Variants in HELQ observed in about 807,000 individuals in gnomAD.
HELQ encodes the protein helicase POLQ-like.
Under a neutral mutation model 111.6 loss-of-function variants are expected in HELQ, and 77 were observed. The ratio of observed to expected loss-of-function variants is 0.69; its 90% CI spans 0.57 to 0.83. The LOEUF (loss-of-function observed/expected upper bound fraction) is 0.83, where lower values mean the gene tolerates loss of function less well. Ranked by LOEUF, HELQ falls within the 40% of genes least tolerant of loss-of-function variation. The probability of loss-of-function intolerance (pLI) is 0.00; values close to 1 mark genes in which losing one functional copy is unlikely to be tolerated. For missense variants in HELQ, 1,200 were observed against 1,288.5 expected, an observed-to-expected ratio of 0.93 and a Z score of 1.05; for synonymous variants, 438 against 454.7, an observed-to-expected ratio of 0.96 and a Z score of 0.47.
At chr4:83,443,213 T>C (rs1720867292) in intron 6 of HELQ, among the ~76,000 whole-genome samples, 1 of 152,048 alleles carries the variant, frequency 6.6e-6, no homozygotes, top group Non-Finnish European at 1.5e-5. Context: ...AATAAAAAAA[T>C]TTAGTTTACA....
At chr4:83,446,700 C>A (rs745430374) in intron 4 of HELQ, 135 bp downstream of exon 4, 1 of 587,328 alleles carries the variant, frequency 1.7e-6, no homozygotes, top group Non-Finnish European at 2.9e-6. Context: ...AATGTCTTCA[C>A]CTATATTGTC....
At position 83,407,501 on chromosome 4, in the gene HELQ, C is replaced by A; in HGVS notation, c.3258G>T (p.Leu1086Phe). 6.2e-7 allele frequency: 1 copy of A among 1,611,268 alleles called. No homozygotes were observed. Among genetic ancestry groups the A allele is most frequent in the Non-Finnish European group, 8.5e-7 (1 of 1,179,136 alleles). The change falls in exon 18 of 18, where the codon TTG becomes TTT. Residue 1086 changes from leucine (L) to phenylalanine (F), a missense_variant. Coordinates refer to ENST00000295488, the MANE Select transcript of HELQ (RefSeq NM_133636.5). ...CCACAGCACCAGGGAAATCAGAAGG[C>A]AATCTTAGTAACTCTTCTACCTCTT... ...LQEEVEELLR[L>F]PSDFPGAVAS...
In HELQ at chr4:83,455,499, G is replaced by C. The variant is rs751188908; in HGVS notation, c.195C>G (p.Pro65=). 1.9e-6 allele frequency: 3 copies of C among 1,614,096 alleles called. No individual in the cohort carries two copies. Among genetic ancestry groups the C allele is most frequent in the Non-Finnish European group, 8.5e-7 (1 of 1,180,028 alleles). Residue 65 remains proline, a synonymous_variant, in exon 1 of 18, where the codon CCC becomes CCG. Transcript: ENST00000295488. ...TAGVLPVEVQ[P]LLLSDSPECL... The stretch of plus-strand genomic sequence containing the variant: ...ATTCCGGGGAATCTGAGAGTAGAAG[G>C]GGCTGTACCTCAACCGGCAGTACGC...
chr4:83,436,811 A>C (rs1215434920), intron 9 of HELQ, 47 bp downstream of exon 9: 1 of 1,562,798 alleles, frequency 6.4e-7, no homozygotes, highest in African/African-American at 1.4e-5. Flanking sequence ...CTCGCAAGCT[A>C]GAAATGGAAA....
intron 16 of HELQ, among the ~76,000 whole-genome samples, chr4:83,417,074 G>A (rs1441244818): frequency 1.3e-5 from 2 of 152,152 alleles, no homozygotes. Context: ...ATAGTTCTAT[G>A]CAGCTTGAGT....
chr4:83,427,471 A>G (rs765898674), intron 13 of HELQ, 92 bp downstream of exon 13: 2 of 1,082,944 alleles, frequency 1.8e-6, no homozygotes, highest in Non-Finnish European at 2.6e-6. Context: ...CCTGGGCAAC[A>G]TGGCAAAGCC....
rs776779157 is a variant in HELQ at position 83,417,191 on chromosome 4, T to TTTTTC, written c.3064-331_3064-327dup. On this transcript the variant is annotated intron_variant, in intron 16 of 17. Transcript: ENST00000295488. ...GTCCAGTATCTTTCTTTCTTTCTTC[T>TTTTTC]TTTTCTTTTCTTTTCTTTTTTTTTT... is the stretch of plus-strand genomic sequence containing the variant. Among the ~76,000 whole-genome samples, 28 of 151,812 alleles carry TTTTTC rather than the reference T, an allele frequency of 1.8e-4. 1 individual carries two copies. The South Asian group carries it at 5.2e-3, about 28-fold the overall frequency.
intron 9 of HELQ, among the ~76,000 whole-genome samples, chr4:83,432,563 T>C (rs993930531): frequency 6.6e-6 from 1 of 152,160 alleles, no homozygotes; most frequent in East Asian, 1.9e-4. Context: ...GAGCTATCAT[T>C]TGAACTCAAG....
rs1160226224 is a variant in HELQ at position 83,455,703 on chromosome 4, C to T, written c.-10G>A. 6.3e-7 allele frequency: 1 copy of T among 1,599,468 alleles called. No homozygotes were observed. The highest frequency in any genetic ancestry group is 1.4e-5 in the African/African-American group (1 of 71,698). On this transcript the variant is annotated 5_prime_UTR_variant, in exon 1 of 18. Transcript: ENST00000295488. Reference sequence around the variant, plus strand: ...AACCACATTCATCCATGGCAAGGACCCAGGGCCCTATTCAGACGTCGTTCT... The same window carrying T: ...AACCACATTCATCCATGGCAAGGACTCAGGGCCCTATTCAGACGTCGTTCT...
At chr4:83,427,760 C>CA in intron 12 of HELQ, 40 bp from the exon 13 acceptor site, 2 of 1,378,986 alleles carry the variant, frequency 1.5e-6, no homozygotes, top group Non-Finnish European at 1.9e-6. Context: ...TCACAATTAC[C>CA]AGAGGGGCAA....
chr4:83,433,220 A>T (rs1720251686), intron 9 of HELQ, among the ~76,000 whole-genome samples: 1 of 152,210 alleles, frequency 6.6e-6, no homozygotes, highest in South Asian at 2.1e-4. Context: ...ATTACCAAAT[A>T]CTTGAAGAAA....
chr4:83,455,035 A>G (rs970524480), intron 1 of HELQ, among the ~76,000 whole-genome samples: 1 of 152,218 alleles, frequency 6.6e-6, no homozygotes, highest in Non-Finnish European at 1.5e-5. Flanking sequence ...GAACTGTACT[A>G]TCTCAACTTT....
chr4:83,451,390 C>G (rs577806956), intron 2 of HELQ, among the ~76,000 whole-genome samples: 4 of 152,032 alleles, frequency 2.6e-5, no homozygotes, highest in Admixed American at 2.6e-4. Context: ...AGGCCGGGCT[C>G]GGTGGCTCAC....
chr4:83,445,331 AT>A lies in HELQ; in HGVS notation c.1465+682del, dbSNP rs565293415. The stretch of plus-strand genomic sequence containing the variant: ...GCCTAGCACACAGTAGGTGATCAAT[AT>A]TTTTTTGAATGAACAATTATAAAAT... On this transcript the variant is annotated intron_variant, in intron 5 of 17. Transcript: ENST00000295488. 5.3e-5 allele frequency among the ~76,000 whole-genome samples: 8 copies of A among 152,304 alleles called. No individual in the cohort carries two copies. In the South Asian group the frequency reaches 1.0e-3, roughly 20 times the overall value.
At chr4:83,435,126 GA>G (rs1720381232) in intron 9 of HELQ, among the ~76,000 whole-genome samples, 1 of 152,250 alleles carries the variant, frequency 6.6e-6, no homozygotes, top group African/African-American at 2.4e-5. Flanking sequence ...TTAAAGTTGG[GA>G]AAATTATTTA....
In HELQ at chr4:83,455,408, C is replaced by A; in HGVS notation, c.286G>T (p.Val96Leu). ...CAAGTCCTCCGTACCTGGTCTCCCA[C>A]CCCTCTGTCAGTGGGCATGTGACGT... ...LLRHMPTDRG[V>L]GDQPNDSEVD... Residue 96 changes from valine (V) to leucine (L), a missense_variant, in exon 1 of 18, where the codon GTG becomes TTG. By Grantham distance (32) the Val-to-Leu change is conservative. Transcript: ENST00000295488. 6.2e-7 allele frequency: 1 copy of A among 1,612,758 alleles called. No homozygotes were observed.
intron 6 of HELQ, among the ~76,000 whole-genome samples, chr4:83,441,779 T>TC (rs1720769929): frequency 6.7e-6 from 1 of 149,614 alleles, no homozygotes; most frequent in East Asian, 1.9e-4. Context: ...TCTTTTTTTT[T>TC]TTTTTTTTTT....
chr4:83,436,316 T>C (rs1409550428), intron 9 of HELQ, among the ~76,000 whole-genome samples: 4 of 152,160 alleles, frequency 2.6e-5, no homozygotes, highest in Non-Finnish European at 5.9e-5. Context: ...CATATTTTTT[T>C]AAACACTCAT....
chr4:83,444,346 T>C (rs955419482), intron 5 of HELQ, among the ~76,000 whole-genome samples: 1 of 152,194 alleles, frequency 6.6e-6, no homozygotes, highest in Non-Finnish European at 1.5e-5. Context: ...AAGTCCTCTA[T>C]GAGATCTTGC....
Sources: gnomAD v4.1 joint callset for allele counts (sites outside exome capture counted in the v4.1 genomes callset) on GRCh38, gnomAD v4.1.1 for gene constraint, MANE v1.5 for transcripts, NCBI Gene and HGNC (gene_info 2026-07-23, HGNC 2026-07-21) for gene names.